MARCHF1: variants seen among roughly 807,000 people sequenced by gnomAD.
The protein encoded by MARCHF1 is E3 ubiquitin-protein ligase MARCHF1.
MARCHF1 carries 40 observed loss-of-function variants against 54.2 expected under a neutral mutation model. The observed-to-expected ratio is 0.74, with a 90% CI of 0.57 to 0.96. The LOEUF is 0.96. MARCHF1 is among the 40% of genes least tolerant of loss of function. The pLI is 0.00. For missense variants in MARCHF1, 586 were observed against 656.5 expected (o/e 0.89, Z 1.17); for synonymous variants, 236 against 236.3 (o/e 1.00, Z 0.01).
rs540781637 is a variant in MARCHF1 at position 164,066,636 on chromosome 4, G to A, written c.-248+44952C>T. ...TCAACCTAAATGCCCTTCAATGATA[G>A]GCTGGATAAAGAAAATGTGGTACAA... On this transcript the variant is annotated intron_variant, in intron 2 of 9. Coordinates refer to ENST00000514618, the MANE Select transcript of MARCHF1 (RefSeq NM_001394959.1). Among the ~76,000 whole-genome samples the A allele has an allele frequency of 2.0e-5, 3 of 152,260 alleles. No individual in the cohort carries two copies. In the East Asian group the frequency reaches 5.8e-4, roughly 29 times the overall value.
chr4:164,066,779 A>C (rs1466108976), intron 2 of MARCHF1, among the ~76,000 whole-genome samples: 2 of 152,152 alleles, frequency 1.3e-5, no homozygotes, highest in Non-Finnish European at 1.5e-5. Context: ...CAGAAAACCA[A>C]ATGCTGCATG....
chr4:163,699,627 G>C (rs957880409), intron 5 of MARCHF1, among the ~76,000 whole-genome samples: 2 of 151,988 alleles, frequency 1.3e-5, no homozygotes, highest in Non-Finnish European at 2.9e-5. Flanking sequence ...TTCAAAGAAA[G>C]TAATATAAAA....
intron 4 of MARCHF1, among the ~76,000 whole-genome samples, chr4:163,724,204 T>C (rs577407338): frequency 6.6e-6 from 1 of 152,328 alleles, no homozygotes; most frequent in South Asian, 2.1e-4. Context: ...GGGGTTTTGG[T>C]GTGGATGTCC....
chr4:163,684,644 G>A (rs1357525549), intron 5 of MARCHF1, among the ~76,000 whole-genome samples: 5 of 151,936 alleles, frequency 3.3e-5, no homozygotes, highest in Non-Finnish European at 7.4e-5. Context: ...ACTTCTTCTT[G>A]TTACCAGCAT....
chr4:164,159,216 G>GT (rs1192998217), intron 1 of MARCHF1, among the ~76,000 whole-genome samples: 3 of 152,122 alleles, frequency 2.0e-5, no homozygotes, highest in Non-Finnish European at 4.4e-5. Context: ...ATGCTAAAAC[G>GT]TGCTAACTTG....
chr4:163,675,171 A>G (rs1285795024), intron 5 of MARCHF1, among the ~76,000 whole-genome samples: 1 of 152,230 alleles, frequency 6.6e-6, no homozygotes, highest in African/African-American at 2.4e-5. Context: ...AAATCTGTAT[A>G]AAAACAAGAA....
chr4:163,757,024 A>G (rs975994725), intron 4 of MARCHF1, among the ~76,000 whole-genome samples: 1 of 152,244 alleles, frequency 6.6e-6, no homozygotes, highest in Non-Finnish European at 1.5e-5. Context: ...GAAGACTTAC[A>G]TGGATTTAAG....
At chr4:164,338,521 A>T (rs1415783915) in intron 1 of MARCHF1, among the ~76,000 whole-genome samples, 3 of 152,214 alleles carry the variant, frequency 2.0e-5, no homozygotes, top group Non-Finnish European at 4.4e-5. Context: ...TATGTTGCCT[A>T]CAAGATACTA....
intron 2 of MARCHF1, among the ~76,000 whole-genome samples, chr4:164,079,906 A>G (rs1317146708): frequency 6.6e-6 from 1 of 152,222 alleles, no homozygotes; most frequent in Non-Finnish European, 1.5e-5. Context: ...ATACATTAAT[A>G]TCAGTGTGAT....
At chr4:164,150,970 C>A (rs1177979856) in intron 1 of MARCHF1, among the ~76,000 whole-genome samples, 1 of 152,056 alleles carries the variant, frequency 6.6e-6, no homozygotes, top group Non-Finnish European at 1.5e-5. Context: ...TGGTGGAGTG[C>A]TGTGATGTGA....
At chr4:164,309,286 G>A (rs1003659037) in intron 1 of MARCHF1, among the ~76,000 whole-genome samples, 10 of 151,574 alleles carry the variant, frequency 6.6e-5, no homozygotes, top group East Asian at 1.9e-4. Flanking sequence ...GTGTGTGTGC[G>A]CGTGTGTGTC....
intron 3 of MARCHF1, among the ~76,000 whole-genome samples, chr4:163,867,608 T>C (rs1480744472): frequency 1.3e-5 from 2 of 151,834 alleles, no homozygotes; most frequent in East Asian, 1.9e-4. Flanking sequence ...ACTCAGATAC[T>C]GACTACCAAG....
chr4:164,100,625 A>T (rs1027401119), intron 2 of MARCHF1, among the ~76,000 whole-genome samples: 1 of 152,238 alleles, frequency 6.6e-6, no homozygotes, highest in African/African-American at 2.4e-5. Flanking sequence ...TCAGTCATGA[A>T]TAAAAAATGT....
intron 1 of MARCHF1, among the ~76,000 whole-genome samples, chr4:164,259,986 G>A (rs1446463578): frequency 6.6e-6 from 1 of 152,142 alleles, no homozygotes; most frequent in Non-Finnish European, 1.5e-5. Context: ...ATCTGTAGGA[G>A]GGTAGAACAT....
At chr4:164,063,824 T>G (rs1754671554) in intron 2 of MARCHF1, among the ~76,000 whole-genome samples, 1 of 152,132 alleles carries the variant, frequency 6.6e-6, no homozygotes. Context: ...GTCTTTTTTT[T>G]TTAAGTTTCT....
intron 4 of MARCHF1, among the ~76,000 whole-genome samples, chr4:163,753,442 CTCT>C (rs1471037117): frequency 1.3e-5 from 2 of 151,996 alleles, no homozygotes; most frequent in Admixed American, 1.3e-4. Context: ...TATTTATTCT[CTCT>C]TTTTTCTATT....
chr4:164,219,376 C>T (rs1732026161), intron 1 of MARCHF1, among the ~76,000 whole-genome samples: 1 of 152,080 alleles, frequency 6.6e-6, no homozygotes, highest in Non-Finnish European at 1.5e-5. Flanking sequence ...TGTTATTTTT[C>T]ATCTCATCTA....
chr4:164,377,251 T>C (rs1247519019), intron 1 of MARCHF1, among the ~76,000 whole-genome samples: 5 of 152,216 alleles, frequency 3.3e-5, no homozygotes, highest in Non-Finnish European at 5.9e-5. Flanking sequence ...TTAATTTAAA[T>C]CATATATCTC....
rs555622146 is a variant in MARCHF1, at chr4:163,716,164, G to A, written c.112-15301C>T. Among the ~76,000 whole-genome samples the A allele has an allele frequency of 1.6e-4, 25 of 152,176 alleles. No individual in the cohort carries two copies. The South Asian group carries it at 4.8e-3, about 29-fold the overall frequency. On this transcript the variant is annotated intron_variant, in intron 4 of 9. Transcript: ENST00000514618. ...AACTTTTATGATGGTTCTTTACTTG[G>A]CAACATGTTCCAGGAGGCATCTTAA...
Sources: allele counts gnomAD v4.1 joint callset (sites outside exome capture counted in the v4.1 genomes callset), GRCh38; gene constraint gnomAD v4.1.1; transcripts MANE v1.5; gene names NCBI Gene and HGNC (gene_info 2026-07-23, HGNC 2026-07-21).